Variants in SMURF2 observed in about 807,000 individuals in gnomAD.
SMURF2 encodes SMAD specific E3 ubiquitin protein ligase 2.
SMURF2 carries 48 observed loss-of-function variants against 109.6 expected under a neutral mutation model. That is an observed-to-expected ratio of 0.44 (90% confidence interval 0.35 to 0.56). SMURF2 has a LOEUF of 0.56. SMURF2 is among the 20% of genes least tolerant of loss of function. The pLI, the probability that SMURF2 is intolerant of heterozygous loss-of-function variation, is 0.01. For missense variants in SMURF2, 575 were observed against 909.0 expected, an observed-to-expected ratio of 0.63 and a Z score of 4.72; for synonymous variants, 288 against 317.1, an observed-to-expected ratio of 0.91 and a Z score of 0.97.
rs1969577708 is a variant in SMURF2 at position 64,581,488 on chromosome 17, AT to A, written c.570-498del. ...TCTTTTTTGTCATTCAAATCAGTTTATTATTGCCTCCTAAGAGGTCCCTCAG... is the reference window on the plus strand; with the variant it reads ...TCTTTTTTGTCATTCAAATCAGTTTATATTGCCTCCTAAGAGGTCCCTCAG... On this transcript the variant is annotated intron_variant, in intron 7 of 18. Transcript: ENST00000262435. The surrounding 1 kb of genome is among the most constrained non-coding windows in gnomAD (Gnocchi z 4.3). Among the ~76,000 whole-genome samples the A allele has an allele frequency of 6.6e-6, 1 of 152,046 alleles. No individual in the cohort carries two copies. The highest frequency in any genetic ancestry group is 1.5e-5 in the Non-Finnish European group (1 of 68,000).
In SMURF2 at chr17:64,661,968, G is replaced by C. The variant is rs993370045; in HGVS notation, c.-88C>G. The C allele has an allele frequency of 4.4e-6, 5 of 1,126,314 alleles. No individual in the cohort carries two copies. In the African/African-American group the frequency reaches 8.3e-5, roughly 19 times the overall value. The allele number at this position is 1,126,314 out of a possible 1,614,324, so 69.8% of individuals were successfully genotyped here. A position where few individuals can be genotyped will look rare whatever the true frequency, so the allele number is the denominator to read the frequency against. On this transcript the variant is annotated 5_prime_UTR_variant, in exon 1 of 19. Transcript: ENST00000262435. ...GAGTCACCACAGCGGCCGGGGCTGGGGCCCGAGCAGCCGGCGCCTCGGCCG... is the reference window on the plus strand; with the variant it reads ...GAGTCACCACAGCGGCCGGGGCTGGCGCCCGAGCAGCCGGCGCCTCGGCCG...
chr17:64,573,273 A>G (rs1238657240), intron 9 of SMURF2, among the ~76,000 whole-genome samples: 34 of 56,986 alleles, frequency 6.0e-4, no homozygotes, highest in East Asian at 1.1e-3. Context: ...GAGGAGGAGG[A>G]GGGGGAGGAG....
intron 9 of SMURF2, among the ~76,000 whole-genome samples, chr17:64,575,642 ACTAG>A (rs1969479658): frequency 6.6e-6 from 1 of 151,970 alleles, no homozygotes; most frequent in Non-Finnish European, 1.5e-5. Context: ...GCAACCCAAG[ACTAG>A]CTAGTCACAT....
chr17:64,642,727 G>C (rs952685825), intron 1 of SMURF2, among the ~76,000 whole-genome samples: 2 of 152,132 alleles, frequency 1.3e-5, no homozygotes, highest in Admixed American at 1.3e-4. Flanking sequence ...TGAGTCTATA[G>C]CTATAAAGAA....
intron 14 of SMURF2, 62 bp downstream of exon 14, chr17:64,555,758 G>C: frequency 8.2e-7 from 1 of 1,214,910 alleles, no homozygotes; most frequent in South Asian, 1.8e-5. Flanking sequence ...CATCAGTTTT[G>C]AAACATATTT....
At position 64,643,470 on chromosome 17, in the gene SMURF2, G is replaced by A. The variant is rs146235896; in HGVS notation, c.52+18359C>T. On this transcript the variant is annotated intron_variant, in intron 1 of 18. Coordinates refer to ENST00000262435, the MANE Select transcript of SMURF2 (RefSeq NM_022739.4). ...CCTTTACCCTGTGCCCTAGGAGGCT[G>A]CCGTCATGTACTACATAAACTGGGC... Among the ~76,000 whole-genome samples, 1,262 of 152,236 alleles carry A rather than the reference G, an allele frequency of 8.3e-3. 11 individuals are homozygous for A. Among genetic ancestry groups the A allele is most frequent in the Middle Eastern group, 0.014 (4 of 294 alleles).
chr17:64,605,080 C>A (rs529211553), intron 2 of SMURF2, among the ~76,000 whole-genome samples: 1 of 151,380 alleles, frequency 6.6e-6, no homozygotes, highest in East Asian at 1.9e-4. Flanking sequence ...AAAAAAAGTA[C>A]ACCTCAGTTA....
chr17:64,587,512 ACT>A (rs1263397087), intron 5 of SMURF2, among the ~76,000 whole-genome samples: 25 of 152,268 alleles, frequency 1.6e-4, no homozygotes, highest in African/African-American at 6.0e-4. Context: ...AGTTCTGGTA[ACT>A]CTCCCAAAAG....
intron 1 of SMURF2, among the ~76,000 whole-genome samples, chr17:64,624,885 T>C (rs1211019263): frequency 2.0e-5 from 3 of 152,134 alleles, no homozygotes; most frequent in African/African-American, 7.2e-5. Flanking sequence ...ATATCATTTA[T>C]AGAGAGTATG....
At chr17:64,555,287 G>C (rs1969102979) in intron 14 of SMURF2, among the ~76,000 whole-genome samples, 1 of 152,216 alleles carries the variant, frequency 6.6e-6, no homozygotes, top group South Asian at 2.1e-4. Flanking sequence ...ATTCTGAAGA[G>C]CCCTACTCGG....
At chr17:64,627,554 C>G (rs1020646878) in intron 1 of SMURF2, among the ~76,000 whole-genome samples, 2 of 152,172 alleles carry the variant, frequency 1.3e-5, no homozygotes, top group Admixed American at 6.5e-5. Flanking sequence ...TATATAGCTA[C>G]TGAACTACAC....
intron 1 of SMURF2, among the ~76,000 whole-genome samples, chr17:64,607,580 T>C (rs1238548293): frequency 6.7e-6 from 1 of 149,382 alleles, no homozygotes; most frequent in Non-Finnish European, 1.5e-5. Flanking sequence ...GAGCCAAGAT[T>C]GCGCCACTGC....
intron 16 of SMURF2, among the ~76,000 whole-genome samples, chr17:64,548,503 T>G (rs1968991805): frequency 1.3e-5 from 2 of 152,310 alleles, no homozygotes; most frequent in South Asian, 4.1e-4. Flanking sequence ...TTCTCCTGCC[T>G]TAGCCTCCCA....
chr17:64,632,131 G>A (rs537501174), intron 1 of SMURF2, among the ~76,000 whole-genome samples: 6 of 152,126 alleles, frequency 3.9e-5, no homozygotes, highest in Admixed American at 1.3e-4. Context: ...GCTAATTTTT[G>A]TATTTTTAGT....
chr17:64,554,016 C>T (rs912510769), intron 15 of SMURF2, among the ~76,000 whole-genome samples: 7 of 152,146 alleles, frequency 4.6e-5, no homozygotes, highest in African/African-American at 1.7e-4. Context: ...TTCTCATAAG[C>T]CAAATTAGCC....
chr17:64,649,094 T>C (rs74575465), intron 1 of SMURF2, among the ~76,000 whole-genome samples: 7,653 of 152,292 alleles, frequency 0.05, 319 homozygotes, highest in Admixed American at 0.14. Context: ...TTTGCAACTC[T>C]ACTATCTACT....
intron 10 of SMURF2, among the ~76,000 whole-genome samples, chr17:64,567,824 G>C (rs1189200799): frequency 6.7e-6 from 1 of 149,954 alleles, no homozygotes; most frequent in Non-Finnish European, 1.5e-5. Context: ...CAACTAGCTG[G>C]GATTACAGGC....
intron 2 of SMURF2, among the ~76,000 whole-genome samples, chr17:64,601,188 C>T (rs1224639763): frequency 6.6e-6 from 1 of 151,686 alleles, no homozygotes; most frequent in Non-Finnish European, 1.5e-5. Context: ...CCTGGGAGGC[C>T]GAGGCTGCAG....
At chr17:64,633,090 A>G (rs7208368) in intron 1 of SMURF2, among the ~76,000 whole-genome samples, 7,650 of 152,226 alleles carry the variant, frequency 0.05, 319 homozygotes, top group Admixed American at 0.14. Flanking sequence ...GGGCAACCTG[A>G]GGAGACCCTG....
Sources: allele counts gnomAD v4.1 joint callset (sites outside exome capture counted in the v4.1 genomes callset), GRCh38; gene constraint gnomAD v4.1.1; non-coding constraint Gnocchi (gnomAD v3.1); transcripts MANE v1.5; gene names NCBI Gene and HGNC (gene_info 2026-07-23, HGNC 2026-07-21).